AK8: variants seen among roughly 807,000 people sequenced by gnomAD.
The protein encoded by AK8 is adenylate kinase 8.
Under a neutral mutation model 54.6 loss-of-function variants are expected in AK8, and 44 were observed. The observed-to-expected ratio is 0.81, with a 90% CI of 0.63 to 1.04. The LOEUF (loss-of-function observed/expected upper bound fraction) is 1.04. AK8 is among the 50% of genes least tolerant of loss of function. The probability of loss-of-function intolerance (pLI) is 0.00; values close to 1 mark genes in which losing one functional copy is unlikely to be tolerated. For missense variants in AK8, 555 were observed against 613.6 expected, an observed-to-expected ratio of 0.90 and a Z score of 1.01; for synonymous variants, 239 against 245.6, an observed-to-expected ratio of 0.97 and a Z score of 0.25.
chr9:132,827,103 T>C (rs13299768), intron 7 of AK8, 49 bp from the exon 8 acceptor site: 720,090 of 1,587,946 alleles, frequency 0.45, 170,106 homozygotes, highest in South Asian at 0.56. Flanking sequence ...AGGGGCCCTG[T>C]GGGCGCTGCT....
chr9:132,803,417 G>A lies in AK8; in HGVS notation c.980-10642C>T, dbSNP rs1395644768. On this transcript the variant is annotated intron_variant, in intron 10 of 12. Coordinates refer to ENST00000298545, the MANE Select transcript of AK8 (RefSeq NM_152572.3). This position sits in a 1 kb window ranked among gnomAD's most constrained non-coding sequence, Gnocchi z 4.4. ...CCATATATAAAATATATTCACACCC[G>A]ACAGGACTTGCTGTGAGTACCATTA... is the stretch of plus-strand genomic sequence containing the variant. 1.3e-5 allele frequency among the ~76,000 whole-genome samples: 2 copies of A among 152,054 alleles called. No individual in the cohort carries two copies. The highest frequency in any genetic ancestry group is 2.4e-5 in the African/African-American group (1 of 41,370).
At chr9:132,846,419 G>A (rs1178794295) in intron 5 of AK8, among the ~76,000 whole-genome samples, 1 of 152,224 alleles carries the variant, frequency 6.6e-6, no homozygotes, top group Non-Finnish European at 1.5e-5. Context: ...TAGAACTTCT[G>A]TTCCTTGAGA....
intron 11 of AK8, among the ~76,000 whole-genome samples, chr9:132,736,567 G>C (rs984837815): frequency 1.3e-5 from 2 of 151,064 alleles, no homozygotes; most frequent in Admixed American, 1.3e-4. Context: ...GGAGGCCGAG[G>C]TGGGCGGATC....
At chr9:132,768,641 A>G (rs1017534849) in intron 11 of AK8, among the ~76,000 whole-genome samples, 29 of 152,260 alleles carry the variant, frequency 1.9e-4, no homozygotes, top group African/African-American at 7.0e-4. Context: ...TGATCAAAAC[A>G]TATGCAAAAA....
At chr9:132,814,289 A>T (rs1841214383) in intron 10 of AK8, among the ~76,000 whole-genome samples, 1 of 72,542 alleles carries the variant, frequency 1.4e-5, no homozygotes, top group African/African-American at 4.8e-5. Flanking sequence ...AAAAAAAAAA[A>T]AAAAAAAAAA....
chr9:132,761,209 A>T (rs542525093), intron 11 of AK8, among the ~76,000 whole-genome samples: 50 of 150,096 alleles, frequency 3.3e-4, no homozygotes, highest in Non-Finnish European at 5.5e-4. Flanking sequence ...TTATTATTCA[A>T]TTTATTTAAT....
At chr9:132,865,843 AT>A (rs1363799778) in intron 3 of AK8, among the ~76,000 whole-genome samples, 1 of 151,074 alleles carries the variant, frequency 6.6e-6, no homozygotes, top group African/African-American at 2.4e-5. Flanking sequence ...AAAATAAAAA[AT>A]AAAGGTAAAA....
chr9:132,729,352 C>A (rs1348105901), intron 11 of AK8, among the ~76,000 whole-genome samples: 1 of 152,126 alleles, frequency 6.6e-6, no homozygotes, highest in Non-Finnish European at 1.5e-5. Flanking sequence ...GATCTGGCCC[C>A]AAATGTCAAG....
intron 8 of AK8, among the ~76,000 whole-genome samples, chr9:132,824,007 C>T (rs1841769379): frequency 6.6e-6 from 1 of 152,170 alleles, no homozygotes; most frequent in African/African-American, 2.4e-5. Flanking sequence ...GTGGTGTGCC[C>T]CTGGCATTTG....
intron 3 of AK8, 99 bp from the exon 4 acceptor site, chr9:132,863,877 A>C (rs538554051): frequency 1.0e-6 from 1 of 953,896 alleles, no homozygotes; most frequent in African/African-American, 1.7e-5. Context: ...CTATGGGAAA[A>C]GGTTGGCCAT....
chr9:132,779,732 G>A (rs1477386981), intron 11 of AK8, among the ~76,000 whole-genome samples: 2 of 152,200 alleles, frequency 1.3e-5, no homozygotes, highest in Non-Finnish European at 2.9e-5. Flanking sequence ...AACAGATAAG[G>A]AAATTGACGT....
chr9:132,792,429 A>G (rs1253860006), intron 11 of AK8, among the ~76,000 whole-genome samples: 1 of 152,248 alleles, frequency 6.6e-6, no homozygotes, highest in East Asian at 1.9e-4. Context: ...AGGGTCCATC[A>G]AGGAGGGTGA....
At chr9:132,792,544 C>A in intron 11 of AK8, 90 bp downstream of exon 11, 1 of 1,451,576 alleles carries the variant, frequency 6.9e-7, no homozygotes, top group Non-Finnish European at 9.2e-7. Context: ...CACGTGAAGG[C>A]TTGTGTAACC....
At chr9:132,725,984 G>C in intron 12 of AK8, 59 bp from the exon 13 acceptor site, 1 of 1,502,770 alleles carries the variant, frequency 6.7e-7, no homozygotes, top group Admixed American at 1.8e-5. Context: ...AGGGGAGAAA[G>C]GGACCCTCTA....
intron 10 of AK8, among the ~76,000 whole-genome samples, chr9:132,812,228 CTTTTTTT>C (rs528951216): frequency 3.2e-5 from 3 of 92,552 alleles, no homozygotes; most frequent in South Asian, 3.8e-4. Flanking sequence ...GCTACTGTGG[CTTTTTTT>C]TTTTTTTTTT....
chr9:132,756,546 C>G (rs1008609672), intron 11 of AK8, among the ~76,000 whole-genome samples: 1 of 152,172 alleles, frequency 6.6e-6, no homozygotes, highest in African/African-American at 2.4e-5. Context: ...TATGTTTTGC[C>G]AAGGTGAGGG....
chr9:132,855,106 T>C (rs576322318), intron 4 of AK8, among the ~76,000 whole-genome samples, 181 bp from the exon 5 acceptor site: 1 of 152,174 alleles, frequency 6.6e-6, no homozygotes, highest in Non-Finnish European at 1.5e-5. Flanking sequence ...CCCAGCATCT[T>C]TGAGGGCCTC....
intron 5 of AK8, among the ~76,000 whole-genome samples, chr9:132,840,406 T>TCACACACACA (rs55856402): frequency 2.7e-4 from 38 of 143,134 alleles, no homozygotes; most frequent in African/African-American, 8.9e-4. Context: ...AAGTGGACAC[T>TCACACACACA]CACACACACA....
At chr9:132,801,717 T>C (rs1182434103) in intron 10 of AK8, among the ~76,000 whole-genome samples, 1 of 152,234 alleles carries the variant, frequency 6.6e-6, no homozygotes, top group Non-Finnish European at 1.5e-5. Context: ...TCACCAAGCA[T>C]GTATGCTACA....
Sources: allele counts gnomAD v4.1 joint callset (sites outside exome capture counted in the v4.1 genomes callset), GRCh38; gene constraint gnomAD v4.1.1; non-coding constraint Gnocchi (gnomAD v3.1); transcripts MANE v1.5; gene names NCBI Gene and HGNC (gene_info 2026-07-23, HGNC 2026-07-21).